The following AFAP1 variants were observed in gnomAD, a reference collection of about 807,000 sequenced individuals.
AFAP1 encodes actin filament associated protein 1.
Under a neutral mutation model 93.9 loss-of-function variants are expected in AFAP1, and 75 were observed. The observed-to-expected ratio is 0.80, with a 90% confidence interval of 0.66 to 0.97. AFAP1 has a LOEUF of 0.97. AFAP1 is among the 50% of genes least tolerant of loss of function. The pLI is 0.00. For synonymous variants in AFAP1, 517 were observed against 430.7 expected (o/e 1.20, Z -2.48); for missense variants, 1,201 against 1,050.8 (o/e 1.14, Z -1.98).
At chr4:7,832,157 G>A (rs1711706921) in intron 6 of AFAP1, among the ~76,000 whole-genome samples, 1 of 152,152 alleles carries the variant, frequency 6.6e-6, no homozygotes, top group Non-Finnish European at 1.5e-5. Context: ...ATTGGTAATG[G>A]TGGTGGCTGA....
intron 1 of AFAP1, among the ~76,000 whole-genome samples, chr4:7,890,077 A>G (rs529155058): frequency 6.6e-6 from 1 of 152,042 alleles, no homozygotes; most frequent in Non-Finnish European, 1.5e-5. Context: ...CTAGAACACA[A>G]ATTGGCCAAA....
chr4:7,778,636 G>C (rs367783158), intron 14 of AFAP1, 126 bp downstream of exon 14: 3 of 885,800 alleles, frequency 3.4e-6, no homozygotes, highest in African/African-American at 3.3e-5. Flanking sequence ...GAAGGATGAC[G>C]GTGCCCACCG....
chr4:7,892,190 A>C (rs571032109), intron 1 of AFAP1, among the ~76,000 whole-genome samples: 17 of 152,210 alleles, frequency 1.1e-4, no homozygotes, highest in Non-Finnish European at 2.1e-4. Context: ...GGATGGGCAA[A>C]TTTCAGTAGG....
At chr4:7,938,095 G>A (rs569440841) in intron 1 of AFAP1, among the ~76,000 whole-genome samples, 2 of 152,302 alleles carry the variant, frequency 1.3e-5, no homozygotes, top group Admixed American at 1.3e-4. Flanking sequence ...CAAAGCTTCA[G>A]AGAGAAGGGA....
chr4:7,807,851 G>C (rs189800884), intron 9 of AFAP1, among the ~76,000 whole-genome samples: 1 of 152,256 alleles, frequency 6.6e-6, no homozygotes, highest in East Asian at 1.9e-4. Flanking sequence ...CTGGGTCCTC[G>C]CATCTGCCCC....
intron 1 of AFAP1, among the ~76,000 whole-genome samples, chr4:7,873,260 A>AAAAAC: frequency 6.8e-6 from 1 of 146,006 alleles, no homozygotes; most frequent in Non-Finnish European, 1.5e-5. Context: ...AAAAAAAAAA[A>AAAAAC]ACCCCACTTT....
At chr4:7,766,894 A>G (rs16841121) in intron 17 of AFAP1, among the ~76,000 whole-genome samples, 18,904 of 151,788 alleles carry the variant, frequency 0.12, 1,362 homozygotes, top group East Asian at 0.27. Flanking sequence ...CTTGCGCTCA[A>G]TGCTCCTCAC....
intron 12 of AFAP1, among the ~76,000 whole-genome samples, chr4:7,784,594 C>T (rs1372508398): frequency 6.6e-6 from 1 of 152,148 alleles, no homozygotes; most frequent in Non-Finnish European, 1.5e-5. Flanking sequence ...AGGTGGGGGC[C>T]TCGCACAGAA....
intron 4 of AFAP1, among the ~76,000 whole-genome samples, chr4:7,850,290 C>T (rs1319584096): frequency 2.0e-5 from 3 of 152,210 alleles, no homozygotes; most frequent in Admixed American, 6.5e-5. Context: ...TACCTGTGCA[C>T]ATGACCATCC....
rs1233976140 is a variant in AFAP1, at chr4:7,759,535, C to A, written c.*4230G>T. On this transcript the variant is annotated 3_prime_UTR_variant, in exon 18 of 18. Coordinates refer to ENST00000420658, the MANE Select transcript of AFAP1 (RefSeq NM_001134647.2). ...AGTTTATTTCACAGTATGAACCCAG[C>A]CCACCAAGGGGATAAGAAGACAGTG... 6.6e-6 allele frequency: 1 copy of A among 152,584 alleles called. No homozygotes were observed. Among genetic ancestry groups the A allele is most frequent in the African/African-American group, 2.4e-5 (1 of 41,440 alleles). 9.5% of individuals were successfully genotyped at this position (152,584 alleles called of 1,614,324 possible).
rs146898811 is a variant in AFAP1 at position 7,901,268 on chromosome 4, T to C, written c.-2-29188A>G. The stretch of plus-strand genomic sequence containing the variant: ...CATTTAATGAAGCCAAGGGTGCCTA[T>C]TGCACCTTAACATCCTCACTCCACA... On this transcript the variant is annotated intron_variant, in intron 1 of 17. Transcript: ENST00000420658. Among the ~76,000 whole-genome samples the C allele has an allele frequency of 3.5e-4, 54 of 152,306 alleles. No homozygotes were observed. In the East Asian group the frequency reaches 7.1e-3, roughly 20 times the overall value.
chr4:7,908,262 C>A (rs954737460), intron 1 of AFAP1, among the ~76,000 whole-genome samples: 1 of 152,060 alleles, frequency 6.6e-6, no homozygotes, highest in Non-Finnish European at 1.5e-5. Flanking sequence ...GCCCAAGTTC[C>A]CAGAACACAA....
In AFAP1 at chr4:7,762,875, A is replaced by C. The variant is rs1714008199; in HGVS notation, c.*890T>G. ...ACGTCCTGTACAGCGGCGAGGAGCCAGCCCCTGCCCCCAGAGGCTCCTGGT... is the reference window on the plus strand; with the variant it reads ...ACGTCCTGTACAGCGGCGAGGAGCCCGCCCCTGCCCCCAGAGGCTCCTGGT... On this transcript the variant is annotated 3_prime_UTR_variant, in exon 18 of 18. Transcript: ENST00000420658. The C allele has an allele frequency of 6.6e-6, 1 of 152,294 alleles. No homozygotes were observed. Among genetic ancestry groups the C allele is most frequent in the East Asian group, 1.9e-4 (1 of 5,178 alleles). 9.4% of individuals were successfully genotyped at this position (152,294 alleles called of 1,614,324 possible).
At chr4:7,887,037 G>C (rs193197640) in intron 1 of AFAP1, among the ~76,000 whole-genome samples, 124 of 152,228 alleles carry the variant, frequency 8.1e-4, no homozygotes, top group African/African-American at 2.8e-3. Flanking sequence ...CCTTATTCTA[G>C]GAAAGGAAGA....
chr4:7,863,408 G>C (rs1213852662), intron 3 of AFAP1, among the ~76,000 whole-genome samples: 1 of 152,114 alleles, frequency 6.6e-6, no homozygotes, highest in Non-Finnish European at 1.5e-5. Flanking sequence ...GACAAAGCGA[G>C]ACTGCCAAGA....
At chr4:7,803,988 G>A (rs1033389688) in intron 9 of AFAP1, among the ~76,000 whole-genome samples, 1 of 152,148 alleles carries the variant, frequency 6.6e-6, no homozygotes, top group Non-Finnish European at 1.5e-5. Flanking sequence ...AAAATGGGGA[G>A]GCCCAAAGTT....
At chr4:7,796,476 G>A (rs973644686) in intron 10 of AFAP1, among the ~76,000 whole-genome samples, 1 of 152,102 alleles carries the variant, frequency 6.6e-6, no homozygotes, top group African/African-American at 2.4e-5. Flanking sequence ...TGGGCCAGGC[G>A]CAGTGGCTCA....
intron 3 of AFAP1, among the ~76,000 whole-genome samples, chr4:7,856,248 A>AG (rs1715046169): frequency 1.4e-5 from 2 of 143,208 alleles, no homozygotes; most frequent in African/African-American, 5.9e-5. Flanking sequence ...ATCATGTCAC[A>AG]ATTTTTTTTT....
intron 11 of AFAP1, among the ~76,000 whole-genome samples, chr4:7,787,962 C>CA (rs1041677447): frequency 6.6e-6 from 1 of 152,192 alleles, no homozygotes; most frequent in African/African-American, 2.4e-5. Flanking sequence ...GTGCTGCCCC[C>CA]CAGGAGGCGG....
Sources: allele counts gnomAD v4.1 joint callset (sites outside exome capture counted in the v4.1 genomes callset), GRCh38; gene constraint gnomAD v4.1.1; transcripts MANE v1.5; gene names NCBI Gene and HGNC (gene_info 2026-07-23, HGNC 2026-07-21).